Variants in GPD2 observed in about 807,000 individuals in gnomAD.
The protein encoded by GPD2 is glycerol-3-phosphate dehydrogenase 2, also known as glycerol-3-phosphate dehydrogenase, mitochondrial.
A neutral mutation model predicts 82.4 loss-of-function variants in GPD2; 54 were observed. That is an observed-to-expected ratio of 0.66 (90% CI 0.53 to 0.82). The LOEUF (loss-of-function observed/expected upper bound fraction) is 0.82, where lower values mean the gene tolerates loss of function less well. GPD2 is among the 40% of genes least tolerant of loss of function. GPD2 has a pLI of 0.00. For missense variants in GPD2, 748 were observed against 896.2 expected (o/e 0.83, Z 2.11); for synonymous variants, 288 against 306.1 (o/e 0.94, Z 0.62).
At position 156,437,874 on chromosome 2, in the gene GPD2, A is replaced by G. The variant is rs1021220404; in HGVS notation, c.-9+1361A>G. 3.9e-5 allele frequency among the ~76,000 whole-genome samples: 6 copies of G among 152,238 alleles called. No individual in the cohort carries two copies. In the East Asian group the frequency reaches 9.7e-4, roughly 25 times the overall value. ...ACCCCCTTTAGTTTTTTTTGTAACTATTTAATCTCATTGTAGATATTTTAA... is the reference window on the plus strand; with the variant it reads ...ACCCCCTTTAGTTTTTTTTGTAACTGTTTAATCTCATTGTAGATATTTTAA... On this transcript the variant is annotated intron_variant, in intron 1 of 16. Transcript: ENST00000438166.
At chr2:156,488,213 T>G (rs1684017644) in intron 2 of GPD2, among the ~76,000 whole-genome samples, 1 of 152,024 alleles carries the variant, frequency 6.6e-6, no homozygotes, top group Non-Finnish European at 1.5e-5. Flanking sequence ...CTCATGTAAG[T>G]GCAGGAAAAA....
At chr2:156,538,557 A>T (rs1478553020) in intron 6 of GPD2, among the ~76,000 whole-genome samples, 1 of 151,912 alleles carries the variant, frequency 6.6e-6, no homozygotes, top group African/African-American at 2.4e-5. Context: ...GTGGTGGTTC[A>T]CGCCTGTAAT....
chr2:156,571,055 AT>A (rs1262352753), intron 12 of GPD2, 78 bp from the exon 13 acceptor site: 127 of 957,410 alleles, frequency 1.3e-4, no homozygotes, highest in Middle Eastern at 2.6e-4. Flanking sequence ...GCACACATTT[AT>A]TTTTTTTAAG....
At chr2:156,514,517 A>C (rs1685126010) in intron 6 of GPD2, among the ~76,000 whole-genome samples, 1 of 151,696 alleles carries the variant, frequency 6.6e-6, no homozygotes, top group Non-Finnish European at 1.5e-5. Flanking sequence ...TGATATTTAT[A>C]CTGAATACTA....
intron 2 of GPD2, among the ~76,000 whole-genome samples, chr2:156,486,699 T>A (rs911976133): frequency 6.6e-6 from 1 of 152,250 alleles, no homozygotes; most frequent in African/African-American, 2.4e-5. Context: ...TTTGCTTTAT[T>A]TGTTTTGTAA....
chr2:156,497,480 A>G (rs1363737458), intron 3 of GPD2, among the ~76,000 whole-genome samples: 1 of 152,218 alleles, frequency 6.6e-6, no homozygotes. Context: ...TGGTTGCTAT[A>G]TAAAGTTCAA....
chr2:156,414,324 T>C, the GPD2 span, among the ~76,000 whole-genome samples: 1 of 152,220 alleles, frequency 6.6e-6, no homozygotes, highest in African/African-American at 2.4e-5. Flanking sequence ...TATCAACCTA[T>C]GTTTCTCCAT....
chr2:156,498,990 T>G (rs1440482518), intron 3 of GPD2, among the ~76,000 whole-genome samples: 1 of 152,142 alleles, frequency 6.6e-6, no homozygotes. Flanking sequence ...AACAAGGTCT[T>G]GTGAAAATAC....
At chr2:156,557,776 C>T (rs1687018051) in intron 9 of GPD2, among the ~76,000 whole-genome samples, 194 bp downstream of exon 9, 1 of 152,162 alleles carries the variant, frequency 6.6e-6, no homozygotes, top group Non-Finnish European at 1.5e-5. Context: ...ACTTTCTATA[C>T]CCACATGAAA....
the GPD2 span, among the ~76,000 whole-genome samples, chr2:156,411,787 A>G: frequency 6.6e-6 from 1 of 152,236 alleles, no homozygotes; most frequent in Non-Finnish European, 1.5e-5. Context: ...ATTCCAAAAA[A>G]TAATGGTCAT....
chr2:156,535,569 G>GTTTTT (rs956958230), intron 6 of GPD2, among the ~76,000 whole-genome samples: 3 of 150,140 alleles, frequency 2.0e-5, no homozygotes, highest in Admixed American at 2.0e-4. Context: ...TCTTGTTGTT[G>GTTTTT]TTTTTTTTTG....
At chr2:156,484,317 A>G (rs1018420890) in intron 2 of GPD2, among the ~76,000 whole-genome samples, 1 of 151,462 alleles carries the variant, frequency 6.6e-6, no homozygotes, top group Non-Finnish European at 1.5e-5. Flanking sequence ...TGTATTTTTT[A>G]GTAGAGATGG....
Position 156,439,517 on chromosome 2 carries a change from AAAAAAAAAAAAAAAAAAAAAAAC to A in GPD2, c.-9+3018_-9+3040del, listed in dbSNP as rs1463461718. 4.6e-3 allele frequency among the ~76,000 whole-genome samples: 285 copies of A among 61,640 alleles called. 4 individuals carry two copies. The East Asian group carries it at 0.061, about 13-fold the overall frequency. 40.4% of individuals were successfully genotyped at this position (61,640 alleles called of 152,430 possible). A position where few individuals can be genotyped will look rare whatever the true frequency, so the allele number is the denominator to read the frequency against. On this transcript the variant is annotated intron_variant, in intron 1 of 16. Transcript: ENST00000438166. ...GAATTGCTTGAGACTGTCTCAGAAAAAAAAAAAAAAAAAAAAAAAAAACAAAAAAAAAAAAACAAGCCAGGCAG... is the reference window on the plus strand; with the variant it reads ...GAATTGCTTGAGACTGTCTCAGAAAAAAAAAAAAAAAAACAAGCCAGGCAG...
chr2:156,456,151 A>G (rs1682780373), intron 1 of GPD2, among the ~76,000 whole-genome samples: 1 of 152,184 alleles, frequency 6.6e-6, no homozygotes, highest in Non-Finnish European at 1.5e-5. Context: ...AATTGTAATC[A>G]TTAACGTTTT....
intron 1 of GPD2, among the ~76,000 whole-genome samples, chr2:156,458,947 C>T (rs1013220905): frequency 4.0e-5 from 6 of 151,850 alleles, no homozygotes; most frequent in Admixed American, 3.9e-4. Context: ...GGGGTATATT[C>T]GTCTAACCTT....
At chr2:156,548,047 C>T (rs1228733975) in intron 6 of GPD2, among the ~76,000 whole-genome samples, 2 of 152,082 alleles carry the variant, frequency 1.3e-5, no homozygotes, top group East Asian at 3.9e-4. Context: ...CAGGGTGTTT[C>T]CTTGTTAGAT....
the GPD2 span, among the ~76,000 whole-genome samples, chr2:156,419,568 A>T: frequency 6.6e-6 from 1 of 152,114 alleles, no homozygotes; most frequent in Non-Finnish European, 1.5e-5. Context: ...TCTCATTGGG[A>T]TCTCTTCCAC....
intron 6 of GPD2, among the ~76,000 whole-genome samples, chr2:156,520,625 G>A (rs993983211): frequency 4.7e-5 from 7 of 149,082 alleles, no homozygotes; most frequent in East Asian, 2.0e-4. Context: ...TCACTCTGTC[G>A]CTCAAGCAGG....
chr2:156,554,634 T>G (rs1405313098), intron 8 of GPD2, among the ~76,000 whole-genome samples: 1 of 152,222 alleles, frequency 6.6e-6, no homozygotes, highest in African/African-American at 2.4e-5. Context: ...TTTTTAAAGC[T>G]GCTCTTTATA....
Sources: allele counts gnomAD v4.1 joint callset (sites outside exome capture counted in the v4.1 genomes callset), GRCh38; gene constraint gnomAD v4.1.1; transcripts MANE v1.5; gene names NCBI Gene and HGNC (gene_info 2026-07-23, HGNC 2026-07-21).